MYH7: variants seen among roughly 807,000 people sequenced by gnomAD.
MYH7 encodes the protein myosin-7.
In MYH7, 129 loss-of-function variants were observed where a neutral mutation model predicts 225.4. The observed-to-expected ratio is 0.57, with a 90% CI of 0.50 to 0.66. The LOEUF (loss-of-function observed/expected upper bound fraction) is 0.66, where lower values mean the gene tolerates loss of function less well. MYH7 is among the 30% of genes least tolerant of loss of function. MYH7 has a pLI of 0.00. For missense variants in MYH7, 1,649 were observed against 2,517.0 expected, an observed-to-expected ratio of 0.66 and a Z score of 7.38; for synonymous variants, 971 against 1,007.6, an observed-to-expected ratio of 0.96 and a Z score of 0.69.
In MYH7 at chr14:23,427,284, C is replaced by A; in HGVS notation, c.1912G>T (p.Ala638Ser). 1 of 1,614,106 alleles carries A rather than the reference C, an allele frequency of 6.2e-7. No individual in the cohort carries two copies. Among genetic ancestry groups the A allele is most frequent in the Non-Finnish European group, 8.5e-7 (1 of 1,180,026 alleles). ...DAPIEKGKGK[A>S]KKGSSFQTVS... ...GTCTGAAAGGACGAGCCTTTCTTGG[C>A]CTTGCCTTTGCCCTTCTCAATAGCT... The change falls in exon 17 of 40, where the codon GCC becomes TCC. Residue 638 changes from alanine to serine, a missense_variant. Physicochemically the swap from Ala to Ser is moderately conservative, Grantham distance 99. This residue lies in a region of MYH7 where 112 missense variants were observed against 161.9 expected (regional missense o/e 0.69). Coordinates refer to ENST00000355349, the MANE Select transcript of MYH7 (RefSeq NM_000257.4).
At position 23,431,489 on chromosome 14, in the gene MYH7, G is replaced by A. The variant is rs201264386; in HGVS notation, c.733-8C>T. 7 of 1,614,198 alleles carry A rather than the reference G, an allele frequency of 4.3e-6. No individual in the cohort carries two copies. In the Admixed American group the frequency reaches 6.7e-5, roughly 15 times the overall value. Reference sequence around the variant, plus strand: ...AATTCGAATGAATTTCCCCTGGAGAGATGGAAGAGAGTGGTGATGAGTTGG... The same window carrying A: ...AATTCGAATGAATTTCCCCTGGAGAAATGGAAGAGAGTGGTGATGAGTTGG... On this transcript the variant is annotated splice_polypyrimidine_tract_variant and splice_region_variant and intron_variant, in intron 8 of 39. Transcript: ENST00000355349.
At position 23,416,856 on chromosome 14, in the gene MYH7, A is replaced by C. The variant is rs1239412379; in HGVS notation, c.4644+12T>G. The C allele has an allele frequency of 2.5e-6, 4 of 1,606,372 alleles. No homozygotes were observed. Among genetic ancestry groups the C allele is most frequent in the East Asian group, 4.5e-5 (2 of 44,472 alleles). On this transcript the variant is annotated intron_variant, in intron 33 of 39. Transcript: ENST00000355349. The stretch of plus-strand genomic sequence containing the variant: ...CAGCTCCCTGCACCCCGTGCCCTGC[A>C]CACACACACACCTCGGCCTCCTCCA...
rs771531781 is a variant in MYH7 at position 23,412,839 on chromosome 14, C to A, written c.*15G>T. ...CTGGCACCTCCAGGGCTGAGCAGAT[C>A]AAGATGTGGCAAAGCTACTCCTCAT... On this transcript the variant is annotated 3_prime_UTR_variant, in exon 40 of 40. Transcript: ENST00000355349. 6.2e-7 allele frequency: 1 copy of A among 1,614,056 alleles called. No homozygotes were observed. Among genetic ancestry groups the A allele is most frequent in the African/African-American group, 1.3e-5 (1 of 75,056 alleles).
Position 23,424,160 on chromosome 14 carries a change from G to A in MYH7, c.2680-11C>T, listed in dbSNP as rs1166710990. On this transcript the variant is annotated splice_polypyrimidine_tract_variant and intron_variant, in intron 22 of 39. Coordinates refer to ENST00000355349, the MANE Select transcript of MYH7 (RefSeq NM_000257.4). ...CAGGTTGTCTTGTTCCTGAAGGTGA[G>A]GAACAGAGGGGAGGCTGTTCAGGGG... is the stretch of plus-strand genomic sequence containing the variant. The A allele has an allele frequency of 3.7e-6, 6 of 1,613,972 alleles. No homozygotes were observed. In the South Asian group the frequency reaches 4.4e-5, roughly 12 times the overall value.
intron 24 of MYH7, 45 bp downstream of exon 24, chr14:23,423,502 G>A (rs1331290588): frequency 6.3e-7 from 1 of 1,585,164 alleles, no homozygotes; most frequent in Non-Finnish European, 8.6e-7. Context: ...TCTGGGCACA[G>A]ATAGACATGG....
intron 14 of MYH7, 90 bp downstream of exon 14, chr14:23,428,865 G>A (rs1892804428): frequency 2.5e-6 from 4 of 1,602,488 alleles, no homozygotes; most frequent in Admixed American, 3.4e-5. Context: ...GCCTTCCCAT[G>A]TCTGGTCCAC....
chr14:23,425,835 C>G lies in MYH7; in HGVS notation c.2163-17G>C, dbSNP rs1453013096. 1.9e-6 allele frequency: 3 copies of G among 1,613,702 alleles called. No individual in the cohort carries two copies. The highest frequency in any genetic ancestry group is 2.5e-6 in the Non-Finnish European group (3 of 1,179,906). On this transcript the variant is annotated splice_polypyrimidine_tract_variant and intron_variant, in intron 19 of 39. Coordinates refer to ENST00000355349, the MANE Select transcript of MYH7 (RefSeq NM_000257.4). This position sits in a 1 kb window ranked among gnomAD's most constrained non-coding sequence, Gnocchi z 4.6. ...ATGCGATACCTGAGGAGGGAAGTGT[C>G]CAGAGTCACCCATGCTCTGCAGTGA...
rs956862400 is a variant in MYH7, at chr14:23,412,745, T to C, written c.*109A>G. On this transcript the variant is annotated 3_prime_UTR_variant, in exon 40 of 40. Transcript: ENST00000355349. ...AAGAGTCTGGAGTCAGGATCTCGGC[T>C]TCAAGGAAAATTGCTTTATTCTGCT... 5.5e-5 allele frequency: 75 copies of C among 1,362,952 alleles called. 1 individual carries two copies. The South Asian group carries it at 8.5e-4, about 15-fold the overall frequency. The allele number at this position is 1,362,952 out of a possible 1,614,324, so 84.4% of individuals were successfully genotyped here.
rs763443866 is a variant in MYH7 at position 23,431,741 on chromosome 14, T to C, written c.639+20A>G. The stretch of plus-strand genomic sequence containing the variant: ...CCCTCCCTTTCTGCGGTACAGGACC[T>C]TGGAGGGCAGCAGGCCTACCTTGCC... On this transcript the variant is annotated intron_variant, in intron 7 of 39. Coordinates refer to ENST00000355349, the MANE Select transcript of MYH7 (RefSeq NM_000257.4). 8.7e-6 allele frequency: 14 copies of C among 1,614,178 alleles called. No individual in the cohort carries two copies. The highest frequency in any genetic ancestry group is 1.2e-5 in the Non-Finnish European group (14 of 1,179,978).
rs1892202339 is a variant in MYH7 at position 23,416,213 on chromosome 14, C to T, written c.4744G>A (p.Glu1582Lys). ...TGGTTGCGCTTGGCCTGTTCCATCT[C>T]CTCGTCCTTCTCTGCCAGCTTCCGC... ...IERKLAEKDE[E>K]MEQAKRNHLR... The change falls in exon 34 of 40, where the codon GAG becomes AAG. Residue 1582 changes from glutamate to lysine, a missense_variant. Physicochemically the swap from Glu to Lys is moderately conservative, Grantham distance 56 (BLOSUM62 1). This residue lies in a region of MYH7 where 687 missense variants were observed against 913.8 expected (regional missense o/e 0.75). Transcript: ENST00000355349. 1 of 1,614,008 alleles carries T rather than the reference C, an allele frequency of 6.2e-7. No individual in the cohort carries two copies. Among genetic ancestry groups the T allele is most frequent in the African/African-American group, 1.3e-5 (1 of 74,906 alleles).
rs371129882 is a variant in MYH7, at chr14:23,424,170, G to A, written c.2680-21C>T. On this transcript the variant is annotated intron_variant, in intron 22 of 39. Transcript: ENST00000355349. ...TGTTCCTGAAGGTGAGGAACAGAGG[G>A]GAGGCTGTTCAGGGGGTAAGGTCCT... 25 of 1,613,972 alleles carry A rather than the reference G, an allele frequency of 1.5e-5. No individual in the cohort carries two copies. The East Asian group carries it at 4.9e-4, about 32-fold the overall frequency.
intron 25 of MYH7, chr14:23,421,859 T>C: frequency 7.3e-6 from 6 of 822,400 alleles, no homozygotes; most frequent in Non-Finnish European, 8.8e-6. Flanking sequence ...TGTGGAGCCT[T>C]CCTCCATGTC....
rs15808 is a variant in MYH7 at position 23,412,848 on chromosome 14, G to A, written c.*6C>T. On this transcript the variant is annotated 3_prime_UTR_variant, in exon 40 of 40. Coordinates refer to ENST00000355349, the MANE Select transcript of MYH7 (RefSeq NM_000257.4). ...CCAGGGCTGAGCAGATCAAGATGTG[G>A]CAAAGCTACTCCTCATTCAAGCCCT... 9 of 1,613,958 alleles carry A rather than the reference G, an allele frequency of 5.6e-6. No individual in the cohort carries two copies. In the African/African-American group the frequency reaches 1.2e-4, roughly 22 times the overall value.
intron 22 of MYH7, among the ~76,000 whole-genome samples, chr14:23,424,503 T>G (rs907942590): frequency 1.8e-4 from 27 of 152,232 alleles, no homozygotes; most frequent in African/African-American, 6.0e-4. Context: ...TCAAAGATGA[T>G]GCATGGTCTG....
intron 1 of MYH7, 90 bp downstream of exon 1, chr14:23,435,530 C>T: frequency 6.6e-6 from 1 of 152,248 alleles, no homozygotes; most frequent in East Asian, 1.9e-4. Flanking sequence ...TGCATGAAGT[C>T]CTGCATGAAG....
chr14:23,430,873 T>A (rs45628742), intron 10 of MYH7, 28 bp downstream of exon 10: 33 of 1,546,032 alleles, frequency 2.1e-5, no homozygotes, highest in Admixed American at 5.0e-5. Context: ...ATGGAGATAG[T>A]TGGTCTCAGT....
intron 37 of MYH7, among the ~76,000 whole-genome samples, chr14:23,414,765 C>T (rs889699402): frequency 3.9e-5 from 6 of 152,078 alleles, no homozygotes; most frequent in Non-Finnish European, 5.9e-5. Context: ...TGTCCCCTGG[C>T]GATGGGCTAA....
intron 6 of MYH7, among the ~76,000 whole-genome samples, chr14:23,432,088 A>T (rs1892970173): frequency 6.6e-6 from 1 of 152,206 alleles, no homozygotes; most frequent in Admixed American, 6.5e-5. Context: ...GGGCAGGCTG[A>T]GCCTGTGCTT....
chr14:23,428,775 C>T, intron 14 of MYH7, 105 bp from the exon 15 acceptor site: 1 of 1,592,056 alleles, frequency 6.3e-7, no homozygotes, highest in South Asian at 1.1e-5. Flanking sequence ...TGGCTGGTCC[C>T]CTCCATGTCA....
Sources: allele counts gnomAD v4.1 joint callset (sites outside exome capture counted in the v4.1 genomes callset), GRCh38; gene constraint gnomAD v4.1.1; regional missense constraint gnomAD v4.1.1; non-coding constraint Gnocchi (gnomAD v3.1); transcripts MANE v1.5; gene names NCBI Gene and HGNC (gene_info 2026-07-23, HGNC 2026-07-21).